Variants in RABGAP1L observed in about 807,000 individuals in gnomAD.
RABGAP1L encodes rab GTPase-activating protein 1-like.
A neutral mutation model predicts 137.7 loss-of-function variants in RABGAP1L; 63 were observed. The observed-to-expected ratio is 0.46, with a 90% CI of 0.37 to 0.56. The LOEUF (loss-of-function observed/expected upper bound fraction) is 0.56. Ranked by LOEUF, RABGAP1L falls within the 20% of genes least tolerant of loss-of-function variation. The pLI, the probability that RABGAP1L is intolerant of heterozygous loss-of-function variation, is 0.00. For synonymous variants in RABGAP1L, 431 were observed against 433.7 expected (o/e 0.99, Z 0.08); for missense variants, 1,095 against 1,244.0 (o/e 0.88, Z 1.80).
chr1:174,414,322 C>A (rs1650293636), intron 13 of RABGAP1L, among the ~76,000 whole-genome samples: 1 of 152,024 alleles, frequency 6.6e-6, no homozygotes, highest in Non-Finnish European at 1.5e-5. Context: ...AGCTGTAGTT[C>A]TGAAAAGTGA....
chr1:174,422,177 A>G (rs1303786497), intron 13 of RABGAP1L, among the ~76,000 whole-genome samples: 1 of 152,082 alleles, frequency 6.6e-6, no homozygotes, highest in Non-Finnish European at 1.5e-5. Context: ...TAAATGTTCT[A>G]CTATTGCTAT....
intron 19 of RABGAP1L, among the ~76,000 whole-genome samples, chr1:174,949,481 G>A (rs542215108): frequency 6.6e-6 from 1 of 152,302 alleles, no homozygotes; most frequent in Admixed American, 6.5e-5. Flanking sequence ...GGTTGGGGGA[G>A]CAGACAATGG....
chr1:174,458,190 C>T (rs1005268556), intron 13 of RABGAP1L, among the ~76,000 whole-genome samples: 1 of 151,956 alleles, frequency 6.6e-6, no homozygotes, highest in Non-Finnish European at 1.5e-5. Flanking sequence ...TTTTACTGGA[C>T]CATAGCAGCA....
intron 9 of RABGAP1L, among the ~76,000 whole-genome samples, chr1:174,276,711 A>C (rs1675033675): frequency 1.3e-5 from 2 of 152,018 alleles, no homozygotes; most frequent in South Asian, 4.1e-4. Flanking sequence ...CAGTTGTAGC[A>C]AATAGTTTTT....
chr1:174,878,903 A>G (rs941612555), intron 19 of RABGAP1L, among the ~76,000 whole-genome samples: 1 of 145,896 alleles, frequency 6.9e-6, no homozygotes, highest in African/African-American at 2.6e-5. Flanking sequence ...TATTAAGAGA[A>G]TTATGTAATT....
chr1:174,219,976 T>A (rs1669628639), intron 2 of RABGAP1L, among the ~76,000 whole-genome samples: 1 of 152,246 alleles, frequency 6.6e-6, no homozygotes, highest in Non-Finnish European at 1.5e-5. Flanking sequence ...AATATATCAG[T>A]CTAATAAAAT....
At chr1:174,963,965 T>C (rs1669395527) in intron 20 of RABGAP1L, among the ~76,000 whole-genome samples, 1 of 152,204 alleles carries the variant, frequency 6.6e-6, no homozygotes, top group Non-Finnish European at 1.5e-5. Flanking sequence ...GACAAGATTT[T>C]GTTTTTAGTT....
At chr1:174,394,439 AC>A (rs1411007322) in intron 13 of RABGAP1L, among the ~76,000 whole-genome samples, 1 of 152,124 alleles carries the variant, frequency 6.6e-6, no homozygotes, top group Non-Finnish European at 1.5e-5. Context: ...TTTTCAATTA[AC>A]CTTTTTTAAT....
At chr1:174,723,912 T>C (rs778969084) in intron 17 of RABGAP1L, among the ~76,000 whole-genome samples, 36 of 152,166 alleles carry the variant, frequency 2.4e-4, no homozygotes, top group Non-Finnish European at 4.3e-4. Flanking sequence ...CATGGTGAAA[T>C]TGATGTTTGA....
At position 174,607,979 on chromosome 1, in the gene RABGAP1L, T is replaced by G. The variant is rs557036546; in HGVS notation, c.1711-29396T>G. ...TTGAACAATGAGATAATTTGTTTCA[T>G]GTGGGTACAAATGTCGTGAATCATG... On this transcript the variant is annotated intron_variant, in intron 13 of 25. Coordinates refer to ENST00000681986, the MANE Select transcript of RABGAP1L (RefSeq NM_001366446.1). Among the ~76,000 whole-genome samples, 11 of 152,302 alleles carry G rather than the reference T, an allele frequency of 7.2e-5. No homozygotes were observed. The South Asian group carries it at 2.3e-3, about 32-fold the overall frequency.
At chr1:174,478,790 AC>A (rs1329418991) in intron 13 of RABGAP1L, among the ~76,000 whole-genome samples, 1 of 152,188 alleles carries the variant, frequency 6.6e-6, no homozygotes, top group Non-Finnish European at 1.5e-5. Context: ...ACCTTTTTCA[AC>A]TTTTGTGTCT....
chr1:174,862,052 C>G (rs1042772270), intron 19 of RABGAP1L, among the ~76,000 whole-genome samples: 2 of 152,084 alleles, frequency 1.3e-5, no homozygotes, highest in Non-Finnish European at 2.9e-5. Flanking sequence ...CTTAAGTTTT[C>G]TTCTAGGAGT....
chr1:174,969,757 A>G (rs1669972532), intron 21 of RABGAP1L, among the ~76,000 whole-genome samples: 2 of 152,224 alleles, frequency 1.3e-5, no homozygotes, highest in South Asian at 2.1e-4. Flanking sequence ...ATTATTCTCC[A>G]TAATAAATGT....
chr1:174,286,376 A>T (rs1449649280), intron 10 of RABGAP1L, among the ~76,000 whole-genome samples: 1 of 152,016 alleles, frequency 6.6e-6, no homozygotes, highest in Non-Finnish European at 1.5e-5. Flanking sequence ...ATAGTCTCTT[A>T]TGATCTGTTG....
chr1:174,397,014 T>C (rs2149091657), intron 13 of RABGAP1L, among the ~76,000 whole-genome samples: 1 of 150,868 alleles, frequency 6.6e-6, no homozygotes, highest in Admixed American at 6.6e-5. Flanking sequence ...TGGTTGCACA[T>C]ACCTGTAGTC....
In RABGAP1L at chr1:174,683,595, A is replaced by G. The variant is rs947691582; in HGVS notation, c.1898A>G (p.His633Arg). Reference protein sequence around the residue: ...QSFLAAVLLLHMPEEQAFCVL... With the variant: ...QSFLAAVLLLRMPEEQAFCVL... ...TTTCTTGCTGCTGTATTACTGCTGC[A>G]TGTAAGTAATGGTCCGTGTGATAAA... Residue 633 changes from histidine to arginine, a missense_variant and splice_region_variant, in exon 15 of 26, where the codon CAT becomes CGT. His to Arg is a conservative substitution (Grantham distance 29). Transcript: ENST00000681986. The G allele has an allele frequency of 2.5e-6, 4 of 1,598,630 alleles. No homozygotes were observed. Among genetic ancestry groups the G allele is most frequent in the Non-Finnish European group, 8.6e-7 (1 of 1,166,140 alleles).
At position 174,448,513 on chromosome 1, in the gene RABGAP1L, C is replaced by T. The variant is rs1459307807; in HGVS notation, c.1710+54368C>T. 6.2e-7 allele frequency: 1 copy of T among 1,612,884 alleles called. No individual in the cohort carries two copies. The highest frequency in any genetic ancestry group is 8.5e-7 in the Non-Finnish European group (1 of 1,178,862). ...GTGTTTCTATGGCATGTCTTGCTTG[C>T]ATCAGTGTGGATCGTTATCTTGCAA... On this transcript the variant is annotated intron_variant, in intron 13 of 25. Transcript: ENST00000681986. This position sits in a 1 kb window ranked among gnomAD's most constrained non-coding sequence, Gnocchi z 4.2.
chr1:174,926,862 C>T (rs1662922081), intron 19 of RABGAP1L, among the ~76,000 whole-genome samples: 1 of 151,938 alleles, frequency 6.6e-6, no homozygotes, highest in South Asian at 2.1e-4. Context: ...ATCACAAGGT[C>T]AGGAGTTTGA....
chr1:174,219,802 G>A (rs1423567820), intron 2 of RABGAP1L, among the ~76,000 whole-genome samples: 1 of 151,992 alleles, frequency 6.6e-6, no homozygotes, highest in Non-Finnish European at 1.5e-5. Context: ...TCACTTCTGT[G>A]TTGCACTTTC....
Sources: allele counts gnomAD v4.1 joint callset (sites outside exome capture counted in the v4.1 genomes callset), GRCh38; gene constraint gnomAD v4.1.1; non-coding constraint Gnocchi (gnomAD v3.1); transcripts MANE v1.5; gene names NCBI Gene and HGNC (gene_info 2026-07-23, HGNC 2026-07-21).